TSEN54: variants seen among roughly 807,000 people sequenced by gnomAD.
TSEN54 encodes tRNA splicing endonuclease subunit 54.
Under a neutral mutation model 61.9 loss-of-function variants are expected in TSEN54, and 55 were observed. That is an observed-to-expected ratio of 0.89 (90% CI 0.72 to 1.11). TSEN54 has a LOEUF of 1.11. Among genes scored for constraint, TSEN54 ranks in the 50% most tolerant of loss-of-function variants. TSEN54 has a pLI of 0.00. For synonymous variants in TSEN54, 304 were observed against 288.7 expected (o/e 1.05, Z -0.54); for missense variants, 760 against 687.7 (o/e 1.11, Z -1.18).
intron 6 of TSEN54, among the ~76,000 whole-genome samples, chr17:75,520,486 T>C (rs1317199641): frequency 6.7e-6 from 1 of 149,210 alleles, no homozygotes; most frequent in Admixed American, 6.7e-5. Flanking sequence ...TTCAGGAGGC[T>C]GAGGCACGAG....
At chr17:75,522,810 T>TA in intron 8 of TSEN54, 1 of 266,134 alleles carries the variant, frequency 3.8e-6, no homozygotes, top group South Asian at 4.4e-5. Context: ...CAGATCAGTT[T>TA]GATTTGACTT....
In TSEN54 at chr17:75,524,490, C is replaced by T. The variant is rs1367190234; in HGVS notation, c.*78C>T. 3 of 1,578,144 alleles carry T rather than the reference C, an allele frequency of 1.9e-6. No homozygotes were observed. Among genetic ancestry groups the T allele is most frequent in the South Asian group, 2.2e-5 (2 of 90,190 alleles). ...TTCTCAGGGACCATCTCGGCTGCCTCCTGTACCCAGACTCTAACCTGTAGC... is the reference window on the plus strand; with the variant it reads ...TTCTCAGGGACCATCTCGGCTGCCTTCTGTACCCAGACTCTAACCTGTAGC... On this transcript the variant is annotated 3_prime_UTR_variant, in exon 11 of 11. Transcript: ENST00000333213.
chr17:75,522,458 A>T (rs1193735610), intron 8 of TSEN54, 125 bp downstream of exon 8: 1 of 1,515,850 alleles, frequency 6.6e-7, no homozygotes, highest in Admixed American at 2.0e-5. Context: ...GAGGGAGTGG[A>T]CCCACAAGCA....
Position 75,521,845 on chromosome 17 carries a change from G to T in TSEN54, c.764G>T (p.Gly255Val). The T allele has an allele frequency of 6.2e-7, 1 of 1,612,396 alleles. No individual in the cohort carries two copies. The highest frequency in any genetic ancestry group is 8.5e-7 in the Non-Finnish European group (1 of 1,179,736). ...PQESSPMKGPGGPFQLLGSLG... is the reference protein window; with the variant it reads ...PQESSPMKGPVGPFQLLGSLG... ...GAGTCAAGCCCCATGAAGGGCCCAGGGGGCCCCTTTCAGCTTCTGGGGTCC... is the reference window on the plus strand; with the variant it reads ...GAGTCAAGCCCCATGAAGGGCCCAGTGGGCCCCTTTCAGCTTCTGGGGTCC... The change falls in exon 8 of 11, where the codon GGG becomes GTG. Residue 255 changes from glycine to valine, a missense_variant. By Grantham distance (109) the Gly-to-Val change is moderately radical. Around this residue, in one of 3 missense-constraint regions of TSEN54, gnomAD observed 667 missense variants for 577.8 expected, o/e 1.15. Coordinates refer to ENST00000333213, the MANE Select transcript of TSEN54 (RefSeq NM_207346.3).
At chr17:75,518,888 G>A in intron 5 of TSEN54, 107 bp from the exon 6 acceptor site, 1 of 1,597,968 alleles carries the variant, frequency 6.3e-7, no homozygotes, top group South Asian at 1.1e-5. Context: ...ATCTGGGGGT[G>A]TACAGGAGGG....
intron 9 of TSEN54, 150 bp downstream of exon 9, chr17:75,523,485 G>GT: frequency 6.3e-7 from 1 of 1,596,168 alleles, no homozygotes; most frequent in South Asian, 1.1e-5. Context: ...TAGTGTTCGT[G>GT]TGTGTCTAGG....
chr17:75,519,844 A>G (rs868681539), intron 6 of TSEN54, among the ~76,000 whole-genome samples: 4 of 152,186 alleles, frequency 2.6e-5, no homozygotes, highest in Admixed American at 6.5e-5. Context: ...AAGTGCTGGG[A>G]TTACAGGCAT....
intron 8 of TSEN54, 88 bp from the exon 9 acceptor site, chr17:75,523,187 A>G: frequency 6.3e-7 from 1 of 1,579,838 alleles, no homozygotes; most frequent in South Asian, 1.1e-5. Context: ...TAAAAAAAAA[A>G]GTTGCTAAAT....
intron 8 of TSEN54, chr17:75,522,986 A>C: frequency 2.4e-6 from 1 of 414,300 alleles, no homozygotes; most frequent in Non-Finnish European, 4.5e-6. Context: ...TTCGAGACCA[A>C]CCTGGGCAAC....
At position 75,521,398 on chromosome 17, in the gene TSEN54, T is replaced by C. The variant is rs776920900; in HGVS notation, c.522-11T>C. On this transcript the variant is annotated splice_polypyrimidine_tract_variant and intron_variant, in intron 6 of 10. Transcript: ENST00000333213. ...TGGGTCAGTGGCCCACCCGCTGTTC[T>C]CACCCCACAGCTCTGTCCTGTCCCC... 2 of 1,612,564 alleles carry C rather than the reference T, an allele frequency of 1.2e-6. No individual in the cohort carries two copies. Among genetic ancestry groups the C allele is most frequent in the South Asian group, 2.2e-5 (2 of 91,018 alleles).
In TSEN54 at chr17:75,517,597, T is replaced by C; in HGVS notation, c.410T>C (p.Ile137Thr). ...HLFHQDLPLSIQEAYQLLLTD... is the reference protein window; with the variant it reads ...HLFHQDLPLSTQEAYQLLLTD... ...TTCCACCAAGACCTGCCACTGTCTA[T>C]CCAGGAAGCTTACCAGCTGCTGCTG... is the stretch of plus-strand genomic sequence containing the variant. The change falls in exon 5 of 11, where the codon ATC becomes ACC. Residue 137 changes from isoleucine to threonine, a missense_variant. By Grantham distance (89) the Ile-to-Thr change is moderately conservative. This residue lies in a region of TSEN54 where 667 missense variants were observed against 577.8 expected (regional missense o/e 1.15). Coordinates refer to ENST00000333213, the MANE Select transcript of TSEN54 (RefSeq NM_207346.3). 3 of 1,613,886 alleles carry C rather than the reference T, an allele frequency of 1.9e-6. No homozygotes were observed. Among genetic ancestry groups the C allele is most frequent in the Non-Finnish European group, 2.5e-6 (3 of 1,179,998 alleles).
intron 6 of TSEN54, among the ~76,000 whole-genome samples, chr17:75,519,698 G>T (rs1387774760): frequency 6.6e-6 from 1 of 152,194 alleles, no homozygotes; most frequent in Non-Finnish European, 1.5e-5. Flanking sequence ...AAGTAGCTGG[G>T]ATTACAGGCG....
chr17:75,518,946 G>A (rs2053400609), intron 5 of TSEN54, 49 bp from the exon 6 acceptor site: 13 of 1,610,144 alleles, frequency 8.1e-6, no homozygotes, highest in South Asian at 1.1e-5. Flanking sequence ...ACCATTTGGT[G>A]TTTTCCAGAG....
Position 75,523,279 on chromosome 17 carries a change from G to C in TSEN54, c.1257G>C (p.Val419=). 6.2e-7 allele frequency: 1 copy of C among 1,614,040 alleles called. No homozygotes were observed. The highest frequency in any genetic ancestry group is 8.5e-7 in the Non-Finnish European group (1 of 1,180,010). Residue 419 remains valine, a synonymous_variant, in exon 9 of 11, where the codon GTG becomes GTC. Transcript: ENST00000333213. ...TTGTTTTCTGTGTCCTTGTAGCCGT[G>C]GTCCTTCAGCATATCTCTGTGCTGC... The part of the protein sequence containing the change: ...LSPGQASSPA[V]VLQHISVLQT...
rs1340894013 is a variant in TSEN54, at chr17:75,517,552, TC to T, written c.370-3del. The T allele has an allele frequency of 6.2e-7, 1 of 1,613,394 alleles. No homozygotes were observed. The highest frequency in any genetic ancestry group is 8.5e-7 in the Non-Finnish European group (1 of 1,179,820). ...CATAAGCTGAGCTGTTGGCCCCACT[TC>T]CAGGGCTCCATCCACCTCTTCCACC... On this transcript the variant is annotated splice_polypyrimidine_tract_variant and splice_region_variant and intron_variant, in intron 4 of 10. Coordinates refer to ENST00000333213, the MANE Select transcript of TSEN54 (RefSeq NM_207346.3).
Position 75,517,251 on chromosome 17 carries a change from G to A in TSEN54, c.369+7G>A. 1 of 1,588,410 alleles carries A rather than the reference G, an allele frequency of 6.3e-7. No individual in the cohort carries two copies. The highest frequency in any genetic ancestry group is 8.6e-7 in the Non-Finnish European group (1 of 1,167,712). ...CTTGTATCTTCTGGAGTGTGTAAGTGGGGCCCGGGAGGTGGGGAAGGAGTT... is the reference window on the plus strand; with the variant it reads ...CTTGTATCTTCTGGAGTGTGTAAGTAGGGCCCGGGAGGTGGGGAAGGAGTT... On this transcript the variant is annotated splice_region_variant and intron_variant, in intron 4 of 10. Coordinates refer to ENST00000333213, the MANE Select transcript of TSEN54 (RefSeq NM_207346.3).
intron 4 of TSEN54, 107 bp downstream of exon 4, chr17:75,517,351 C>A: frequency 7.3e-7 from 1 of 1,371,154 alleles, no homozygotes; most frequent in Non-Finnish European, 1.0e-6. Flanking sequence ...GAACTGATAA[C>A]CAAACTTCTA....
rs1371315324 is a variant in TSEN54, at chr17:75,524,500, GACTCTA to G, written c.*91_*96del. On this transcript the variant is annotated 3_prime_UTR_variant, in exon 11 of 11. Coordinates refer to ENST00000333213, the MANE Select transcript of TSEN54 (RefSeq NM_207346.3). The stretch of plus-strand genomic sequence containing the variant: ...CCATCTCGGCTGCCTCCTGTACCCA[GACTCTA>G]ACCTGTAGCTTCAGAGGCCAGTCTG... The G allele has an allele frequency of 3.2e-6, 5 of 1,539,274 alleles. No individual in the cohort carries two copies. The highest frequency in any genetic ancestry group is 4.5e-6 in the Non-Finnish European group (5 of 1,120,518).
chr17:75,521,196 C>T (rs2053423544), intron 6 of TSEN54, among the ~76,000 whole-genome samples: 1 of 152,280 alleles, frequency 6.6e-6, no homozygotes, highest in Middle Eastern at 3.2e-3. Flanking sequence ...AGTTTGCTAG[C>T]TCCTCTGGGC....
Sources: allele counts gnomAD v4.1 joint callset (sites outside exome capture counted in the v4.1 genomes callset), GRCh38; gene constraint gnomAD v4.1.1; regional missense constraint gnomAD v4.1.1; transcripts MANE v1.5; gene names NCBI Gene and HGNC (gene_info 2026-07-23, HGNC 2026-07-21).